FBLN2: variants seen among roughly 807,000 people sequenced by gnomAD.
FBLN2 encodes fibulin-2.
A neutral mutation model predicts 123.7 loss-of-function variants in FBLN2; 81 were observed. That is an observed-to-expected ratio of 0.65 (90% CI 0.55 to 0.79). FBLN2 has a LOEUF of 0.79. Among genes scored for constraint, FBLN2 ranks in the 30% least tolerant of loss-of-function variants. FBLN2 has a pLI of 0.00. For synonymous variants in FBLN2, 699 were observed against 701.4 expected, an observed-to-expected ratio of 1.00 and a Z score of 0.05; for missense variants, 1,603 against 1,681.3, an observed-to-expected ratio of 0.95 and a Z score of 0.81.
intron 2 of FBLN2, among the ~76,000 whole-genome samples, chr3:13,572,509 C>T (rs1703995726): frequency 6.6e-6 from 1 of 152,270 alleles, no homozygotes; most frequent in South Asian, 2.1e-4. Context: ...ATCCTCCAAG[C>T]CACCTGCCAC....
intron 15 of FBLN2, among the ~76,000 whole-genome samples, 166 bp downstream of exon 15, chr3:13,630,981 T>G (rs187641396): frequency 4.0e-4 from 61 of 152,276 alleles, no homozygotes; most frequent in Middle Eastern, 3.4e-3. Context: ...CTTGGGCAGA[T>G]TGCCTCTCCA....
chr3:13,552,403 C>A (rs1375371180), intron 1 of FBLN2, among the ~76,000 whole-genome samples: 1 of 151,952 alleles, frequency 6.6e-6, no homozygotes, highest in African/African-American at 2.4e-5. Context: ...GGCTGTCCTG[C>A]CCGGTGGTGG....
At chr3:13,550,601 C>T (rs1397343642) in intron 1 of FBLN2, among the ~76,000 whole-genome samples, 1 of 152,226 alleles carries the variant, frequency 6.6e-6, no homozygotes, top group Non-Finnish European at 1.5e-5. Flanking sequence ...AGTGTTCCCT[C>T]AGCCTGGCAT....
intron 6 of FBLN2, 57 bp downstream of exon 6, chr3:13,618,342 G>C (rs1705708430): frequency 2.6e-6 from 4 of 1,543,982 alleles, no homozygotes; most frequent in Non-Finnish European, 3.6e-6. Flanking sequence ...TTGCCAGGGG[G>C]TGTGGCATTC....
In FBLN2 at chr3:13,619,819, G is replaced by C; in HGVS notation, c.2143G>C (p.Val715Leu). Residue 715 changes from valine (V) to leucine (L), a missense_variant, in exon 8 of 18, where the codon GTG (valine) becomes CTG (leucine). By Grantham distance (32) the Val-to-Leu change is conservative (BLOSUM62 1). Transcript: ENST00000404922. ...FPGYAIMADG[V>L]SCEDQDECLM... ...CGGCTATGCCATCATGGCGGATGGC[G>C]TGTCCTGTGAAGGTGAGTGCCTTGG... is the stretch of plus-strand genomic sequence containing the variant. The C allele has an allele frequency of 6.2e-7, 1 of 1,611,294 alleles. No individual in the cohort carries two copies. The highest frequency in any genetic ancestry group is 8.5e-7 in the Non-Finnish European group (1 of 1,178,646).
At chr3:13,560,624 C>T (rs958089133) in intron 1 of FBLN2, among the ~76,000 whole-genome samples, 4 of 152,174 alleles carry the variant, frequency 2.6e-5, no homozygotes, top group Non-Finnish European at 5.9e-5. Flanking sequence ...AAGACATTTG[C>T]CCGCGAGGAA....
chr3:13,602,621 C>A (rs572707265), intron 2 of FBLN2, among the ~76,000 whole-genome samples: 1 of 152,280 alleles, frequency 6.6e-6, no homozygotes, highest in South Asian at 2.1e-4. Context: ...GTGAATCAAG[C>A]ATGTTCACTG....
chr3:13,615,913 A>C (rs192399325), intron 5 of FBLN2, among the ~76,000 whole-genome samples: 94 of 152,354 alleles, frequency 6.2e-4, no homozygotes, highest in Non-Finnish European at 9.7e-4. Flanking sequence ...CTATAATGCA[A>C]GATGGCAGAA....
chr3:13,616,600 T>G (rs1705614071), intron 5 of FBLN2, among the ~76,000 whole-genome samples: 2 of 152,296 alleles, frequency 1.3e-5, no homozygotes. Context: ...AACACGTTCC[T>G]CATACGTGAC....
At chr3:13,622,687 G>A (rs926779149) in intron 9 of FBLN2, among the ~76,000 whole-genome samples, 1 of 152,240 alleles carries the variant, frequency 6.6e-6, no homozygotes, top group Non-Finnish European at 1.5e-5. Context: ...TAGGCCCCAT[G>A]TGGGCCAGGC....
chr3:13,551,100 A>G (rs1018621770), intron 1 of FBLN2, among the ~76,000 whole-genome samples: 3 of 152,072 alleles, frequency 2.0e-5, no homozygotes, highest in African/African-American at 4.8e-5. Flanking sequence ...ATGCCTTCTC[A>G]GCTCCTGCCT....
chr3:13,634,418 C>T (rs557573415), intron 16 of FBLN2, among the ~76,000 whole-genome samples: 7 of 152,360 alleles, frequency 4.6e-5, no homozygotes, highest in South Asian at 2.1e-4. Context: ...AGGCTGTAGC[C>T]GCTCACCCTT....
chr3:13,616,880 C>G (rs998618480), intron 5 of FBLN2, among the ~76,000 whole-genome samples: 1 of 152,226 alleles, frequency 6.6e-6, no homozygotes, highest in Non-Finnish European at 1.5e-5. Context: ...CCCAAGTTGA[C>G]CCAGCTAGGG....
intron 1 of FBLN2, among the ~76,000 whole-genome samples, chr3:13,565,732 G>A (rs970779195): frequency 6.6e-6 from 1 of 152,180 alleles, no homozygotes; most frequent in African/African-American, 2.4e-5. Flanking sequence ...TGACTGGCCC[G>A]GTGGCCTCCA....
chr3:13,627,737 T>A, intron 10 of FBLN2, 95 bp from the exon 11 acceptor site: 1 of 1,420,622 alleles, frequency 7.0e-7, no homozygotes, highest in Non-Finnish European at 9.3e-7. Flanking sequence ...GCCATCAGGG[T>A]CATGGGTCTG....
intron 2 of FBLN2, among the ~76,000 whole-genome samples, chr3:13,606,805 C>G (rs927375759): frequency 3.9e-5 from 6 of 151,934 alleles, no homozygotes; most frequent in African/African-American, 1.4e-4. Context: ...GCATGCGCCA[C>G]CATGCCTGGC....
At chr3:13,557,664 G>GGTCGTGTGACTGC (rs1703497661) in intron 1 of FBLN2, among the ~76,000 whole-genome samples, 1 of 152,228 alleles carries the variant, frequency 6.6e-6, no homozygotes, top group Non-Finnish European at 1.5e-5. Flanking sequence ...CATGTGACTG[G>GGTCGTGTGACTGC]GTCGTGTGAC....
chr3:13,626,619 C>T (rs1706049203), intron 10 of FBLN2, 40 bp downstream of exon 10: 1 of 1,507,844 alleles, frequency 6.6e-7, no homozygotes, highest in Non-Finnish European at 8.9e-7. Flanking sequence ...GGCCCCGCCC[C>T]ATGGCCAGTT....
chr3:13,566,155 G>T (rs1703741941), intron 1 of FBLN2, among the ~76,000 whole-genome samples: 1 of 152,188 alleles, frequency 6.6e-6, no homozygotes, highest in Non-Finnish European at 1.5e-5. Context: ...GGGAGGTCAG[G>T]CCTCCTTCCC....
Sources: allele counts gnomAD v4.1 joint callset (sites outside exome capture counted in the v4.1 genomes callset), GRCh38; gene constraint gnomAD v4.1.1; transcripts MANE v1.5; gene names NCBI Gene and HGNC (gene_info 2026-07-23, HGNC 2026-07-21).